ANKFN1: variants seen among roughly 807,000 people sequenced by gnomAD.
ANKFN1 encodes the protein ankyrin repeat and fibronectin type III domain containing 1, also known as ankyrin repeat and fibronectin type-III domain-containing protein 1.
In ANKFN1, 74 loss-of-function variants were observed where a neutral mutation model predicts 108.7. That is an observed-to-expected ratio of 0.68 (90% CI 0.56 to 0.83). ANKFN1 has a LOEUF of 0.83. Among genes scored for constraint, ANKFN1 ranks in the 40% least tolerant of loss-of-function variants. The pLI, the probability that ANKFN1 is intolerant of heterozygous loss-of-function variation, is 0.00. For synonymous variants in ANKFN1, 547 were observed against 516.2 expected, an observed-to-expected ratio of 1.06 and a Z score of -0.81; for missense variants, 1,505 against 1,382.3, an observed-to-expected ratio of 1.09 and a Z score of -1.41.
chr17:56,060,533 C>A (rs1377440338), intron 4 of ANKFN1, among the ~76,000 whole-genome samples: 1 of 152,106 alleles, frequency 6.6e-6, no homozygotes, highest in Non-Finnish European at 1.5e-5. Flanking sequence ...ATGCTTCCAG[C>A]TTTTGCCCAT....
chr17:56,239,234 G>T (rs1222880798), intron 3 of ANKFN1, among the ~76,000 whole-genome samples: 1 of 152,124 alleles, frequency 6.6e-6, no homozygotes, highest in Non-Finnish European at 1.5e-5. Context: ...AATCTGAACT[G>T]CAGAGCTCCA....
chr17:56,358,399 T>C (rs1245135384), intron 6 of ANKFN1, among the ~76,000 whole-genome samples: 1 of 152,158 alleles, frequency 6.6e-6, no homozygotes, highest in East Asian at 1.9e-4. Flanking sequence ...CAGAGCCACA[T>C]GGATGTGTTC....
intron 8 of ANKFN1, among the ~76,000 whole-genome samples, chr17:56,405,800 T>C (rs1454466439): frequency 6.6e-6 from 1 of 152,204 alleles, no homozygotes; most frequent in African/African-American, 2.4e-5. Context: ...ATATGTAATA[T>C]ACTACCTTTT....
At chr17:56,450,657 C>T (rs181688329) in intron 11 of ANKFN1, among the ~76,000 whole-genome samples, 8 of 152,290 alleles carry the variant, frequency 5.3e-5, no homozygotes, top group African/African-American at 1.9e-4. Flanking sequence ...CCTTTCTCAT[C>T]TTCTGCCTTT....
chr17:56,396,051 A>AC (rs1224834455), intron 8 of ANKFN1, among the ~76,000 whole-genome samples: 12 of 152,080 alleles, frequency 7.9e-5, no homozygotes, highest in South Asian at 4.1e-4. Context: ...ACAAAACAAA[A>AC]AAAACAAAAA....
Position 56,449,145 on chromosome 17 carries a change from T to C in ANKFN1, c.1166T>C (p.Leu389Pro). 2 of 1,613,498 alleles carry C rather than the reference T, an allele frequency of 1.2e-6. No homozygotes were observed. Among genetic ancestry groups the C allele is most frequent in the Non-Finnish European group, 1.7e-6 (2 of 1,179,700 alleles). The change falls in exon 11 of 21, where the codon CTG becomes CCG. Residue 389 changes from leucine (L) to proline (P), a missense_variant. Coordinates refer to ENST00000682825, the MANE Select transcript of ANKFN1 (RefSeq NM_001370326.1). ...CAGAGTGAAGTTTTGGAAGGTCTGC[T>C]GCAGCAGGTCCGAGCCCTTCATCAG... ...KGQSEVLEGL[L>P]QQVRALHQHY... is the part of the protein sequence containing the mutation.
intron 4 of ANKFN1, among the ~76,000 whole-genome samples, chr17:56,099,100 A>G (rs933462263): frequency 6.6e-6 from 1 of 152,188 alleles, no homozygotes; most frequent in African/African-American, 2.4e-5. Flanking sequence ...CAGAAGTGAC[A>G]TGCTATTTTT....
At chr17:56,136,707 C>G (rs187405672) in intron 4 of ANKFN1, among the ~76,000 whole-genome samples, 1 of 152,282 alleles carries the variant, frequency 6.6e-6, no homozygotes. Context: ...AGGGGACAAA[C>G]AGTTGAACTT....
chr17:56,366,895 G>A (rs570565142), intron 6 of ANKFN1, among the ~76,000 whole-genome samples: 1 of 152,292 alleles, frequency 6.6e-6, no homozygotes, highest in East Asian at 1.9e-4. Context: ...TTTCAGTTCA[G>A]GATAAGGAAA....
At chr17:56,219,333 G>A (rs1211386581) in intron 2 of ANKFN1, among the ~76,000 whole-genome samples, 2 of 151,798 alleles carry the variant, frequency 1.3e-5, no homozygotes, top group African/African-American at 2.4e-5. Context: ...TGCAACCTCC[G>A]CCTCCTGGGA....
chr17:56,213,587 A>G (rs1050115976), intron 2 of ANKFN1, among the ~76,000 whole-genome samples: 8 of 152,152 alleles, frequency 5.3e-5, no homozygotes, highest in African/African-American at 1.9e-4. Context: ...TAAGCTATCT[A>G]CACCTTTCCC....
At chr17:56,343,109 T>C (rs1225373134) in intron 4 of ANKFN1, among the ~76,000 whole-genome samples, 2 of 152,074 alleles carry the variant, frequency 1.3e-5, no homozygotes, top group African/African-American at 4.8e-5. Context: ...TGCCAGATAG[T>C]AGGATTGCAA....
chr17:56,121,554 C>T (rs1253970271), intron 4 of ANKFN1, among the ~76,000 whole-genome samples: 1 of 151,772 alleles, frequency 6.6e-6, no homozygotes, highest in Non-Finnish European at 1.5e-5. Flanking sequence ...GATTCAGCCT[C>T]CACCAAGAAT....
At chr17:56,243,122 G>T (rs1417041575) in intron 3 of ANKFN1, among the ~76,000 whole-genome samples, 1 of 151,924 alleles carries the variant, frequency 6.6e-6, no homozygotes, top group East Asian at 1.9e-4. Flanking sequence ...ATTTTCTTTT[G>T]TTGTTGTGGT....
chr17:56,225,787 AG>A (rs1916224144), intron 2 of ANKFN1, among the ~76,000 whole-genome samples: 1 of 152,252 alleles, frequency 6.6e-6, no homozygotes, highest in South Asian at 2.1e-4. Flanking sequence ...TTGTACCTCA[AG>A]AAAAATGATC....
At chr17:56,468,315 G>A (rs1172180932) in intron 15 of ANKFN1, among the ~76,000 whole-genome samples, 4 of 152,144 alleles carry the variant, frequency 2.6e-5, no homozygotes, top group Non-Finnish European at 5.9e-5. Context: ...TGGCCTGGAT[G>A]GTGGAATTGG....
At chr17:56,405,670 A>G (rs969421741) in intron 8 of ANKFN1, among the ~76,000 whole-genome samples, 1 of 152,188 alleles carries the variant, frequency 6.6e-6, no homozygotes, top group Non-Finnish European at 1.5e-5. Context: ...ATTAGGAACT[A>G]ATTAAATAAA....
intron 4 of ANKFN1, among the ~76,000 whole-genome samples, chr17:56,053,885 T>A (rs898615476): frequency 6.6e-6 from 1 of 152,182 alleles, no homozygotes. Context: ...ATTATTTCAA[T>A]CACTTTTGGA....
At chr17:56,060,896 T>A (rs191025227) in intron 4 of ANKFN1, among the ~76,000 whole-genome samples, 26 of 152,358 alleles carry the variant, frequency 1.7e-4, no homozygotes, top group Admixed American at 5.9e-4. Flanking sequence ...GTTTTCTTTT[T>A]TAGTTGTGTC....
Sources: gnomAD v4.1 joint callset for allele counts (sites outside exome capture counted in the v4.1 genomes callset) on GRCh38, gnomAD v4.1.1 for gene constraint, MANE v1.5 for transcripts, NCBI Gene and HGNC (gene_info 2026-07-23, HGNC 2026-07-21) for gene names.